The following HSD17B12 variants were observed in gnomAD, a reference collection of about 807,000 sequenced individuals.
The protein encoded by HSD17B12 is very-long-chain 3-oxoacyl-CoA reductase.
A neutral mutation model predicts 39.3 loss-of-function variants in HSD17B12; 32 were observed. The ratio of observed to expected loss-of-function variants is 0.81; its 90% CI spans 0.61 to 1.09. The LOEUF is 1.09. Ranked by LOEUF, HSD17B12 falls within the 50% of genes least tolerant of loss-of-function variation. The pLI, the probability that HSD17B12 is intolerant of heterozygous loss-of-function variation, is 0.00. For synonymous variants in HSD17B12, 150 were observed against 146.7 expected (o/e 1.02, Z -0.16); for missense variants, 342 against 382.9 (o/e 0.89, Z 0.89).
At chr11:43,634,075 C>CAAAAAAAAAAAAAAAAAAAAAA in the HSD17B12 span, among the ~76,000 whole-genome samples, 11 of 37,566 alleles carry the variant, frequency 2.9e-4, 2 homozygotes, top group Non-Finnish European at 3.6e-4. Context: ...AACTCCATCT[C>CAAAAAAAAAAAAAAAAAAAAAA]AAAAAAAAAA....
the HSD17B12 span, among the ~76,000 whole-genome samples, chr11:43,616,721 T>C: frequency 4.7e-5 from 7 of 149,916 alleles, 1 homozygote. Context: ...AAATCCCCAC[T>C]TTTAACCTCT....
intron 5 of HSD17B12, among the ~76,000 whole-genome samples, 185 bp downstream of exon 5, chr11:43,815,686 G>C (rs967855438): frequency 6.6e-6 from 1 of 152,030 alleles, no homozygotes; most frequent in Non-Finnish European, 1.5e-5. Flanking sequence ...TCATAAAATG[G>C]GCAGCTTCAT....
chr11:43,586,561 T>C, the HSD17B12 span, among the ~76,000 whole-genome samples: 1 of 152,182 alleles, frequency 6.6e-6, no homozygotes, highest in Non-Finnish European at 1.5e-5. Flanking sequence ...ATCTCCTTTA[T>C]AAGCAAGAAG....
Position 43,798,354 on chromosome 11 carries a change from T to C in HSD17B12, c.318T>C (p.Ala106=). The C allele has an allele frequency of 6.2e-7, 1 of 1,612,304 alleles. No individual in the cohort carries two copies. Among genetic ancestry groups the C allele is most frequent in the Non-Finnish European group, 8.5e-7 (1 of 1,178,804 alleles). Residue 106 remains alanine (A), a synonymous_variant, in exon 4 of 11, where the codon GCT becomes GCC. Coordinates refer to ENST00000278353, the MANE Select transcript of HSD17B12 (RefSeq NM_016142.3). ...EKFKVETRTI[A]VDFASEDIYD... is the part of the protein sequence containing the mutation. Reference sequence around the variant, plus strand: ...TCAAAGTGGAGACAAGAACCATTGCTGTTGACTTTGCATCAGAAGATATTT... The same window carrying C: ...TCAAAGTGGAGACAAGAACCATTGCCGTTGACTTTGCATCAGAAGATATTT...
chr11:43,716,811 G>GGTGGT (rs761025436), intron 1 of HSD17B12, among the ~76,000 whole-genome samples: 63 of 150,624 alleles, frequency 4.2e-4, no homozygotes, highest in Non-Finnish European at 6.8e-4. Context: ...CATCTGGCAT[G>GGTGGT]GTGGTGAGAC....
chr11:43,650,767 T>C, the HSD17B12 span, among the ~76,000 whole-genome samples: 32 of 152,240 alleles, frequency 2.1e-4, no homozygotes, highest in Non-Finnish European at 3.4e-4. Flanking sequence ...TCCCCACTTA[T>C]TCACAGTCTC....
chr11:43,660,314 T>C, the HSD17B12 span, among the ~76,000 whole-genome samples: 1 of 152,186 alleles, frequency 6.6e-6, no homozygotes, highest in African/African-American at 2.4e-5. Flanking sequence ...ATCTTTTTCT[T>C]TGATCAGCCC....
intron 7 of HSD17B12, 198 bp from the exon 8 acceptor site, chr11:43,838,119 G>C: frequency 1.8e-6 from 1 of 554,348 alleles, no homozygotes; most frequent in Non-Finnish European, 3.2e-6. Context: ...TCGTGAAGAA[G>C]AGCTATTTTT....
the HSD17B12 span, among the ~76,000 whole-genome samples, chr11:43,607,375 C>T: frequency 6.6e-6 from 1 of 151,082 alleles, no homozygotes; most frequent in Non-Finnish European, 1.5e-5. Context: ...CCAAAGTCTC[C>T]AAGAAAAGAA....
chr11:43,695,549 G>A lies in HSD17B12; in HGVS notation c.160+14562G>A, dbSNP rs149282620. Among the ~76,000 whole-genome samples, 151 of 152,222 alleles carry A rather than the reference G, an allele frequency of 9.9e-4. 5 individuals carry two copies. In the East Asian group the frequency reaches 0.027, roughly 27 times the overall value. ...ATTGAGATTGCACCATTGCACTCTC[G>A]CCTGGGCAACAAGAGCAAAACTTCG... On this transcript the variant is annotated intron_variant, in intron 1 of 10. Transcript: ENST00000278353.
chr11:43,662,303 GTT>G, the HSD17B12 span, among the ~76,000 whole-genome samples: 1 of 150,202 alleles, frequency 6.7e-6, no homozygotes, highest in Non-Finnish European at 1.5e-5. Context: ...GGTTCAGACA[GTT>G]CTCCTGTCTT....
intron 1 of HSD17B12, among the ~76,000 whole-genome samples, chr11:43,703,634 G>T (rs900701683): frequency 2.0e-5 from 3 of 151,920 alleles, no homozygotes; most frequent in African/African-American, 7.3e-5. Flanking sequence ...TTTTTTTCTG[G>T]TTCTATCTTG....
the HSD17B12 span, among the ~76,000 whole-genome samples, chr11:43,596,587 G>C: frequency 1.3e-5 from 2 of 151,820 alleles, no homozygotes; most frequent in South Asian, 4.2e-4. Context: ...CATGCACCAT[G>C]ATACCTGGCT....
At chr11:43,606,642 G>A in the HSD17B12 span, among the ~76,000 whole-genome samples, 18 of 152,312 alleles carry the variant, frequency 1.2e-4, no homozygotes, top group South Asian at 3.5e-3. Flanking sequence ...CAGGAGACAG[G>A]ACTCAAACAC....
the HSD17B12 span, among the ~76,000 whole-genome samples, chr11:43,665,035 G>GA: frequency 6.6e-6 from 1 of 152,068 alleles, no homozygotes; most frequent in South Asian, 2.1e-4. Context: ...AGTCTTTATA[G>GA]AAAAAATGTT....
the HSD17B12 span, among the ~76,000 whole-genome samples, chr11:43,665,501 G>A: frequency 1.2e-4 from 18 of 152,256 alleles, no homozygotes; most frequent in African/African-American, 4.3e-4. Context: ...TTACAGGAGT[G>A]AGCCACCATG....
the HSD17B12 span, among the ~76,000 whole-genome samples, chr11:43,576,995 G>C: frequency 6.6e-6 from 1 of 152,148 alleles, no homozygotes; most frequent in South Asian, 2.1e-4. Context: ...ATATCTCTGA[G>C]AGATTAATGG....
At chr11:43,772,149 G>T (rs1250764920) in intron 3 of HSD17B12, among the ~76,000 whole-genome samples, 1 of 152,108 alleles carries the variant, frequency 6.6e-6, no homozygotes, top group Non-Finnish European at 1.5e-5. Flanking sequence ...CCTTCATTTA[G>T]CATGGTTCCA....
At chr11:43,580,475 G>A in the HSD17B12 span, among the ~76,000 whole-genome samples, 1 of 152,152 alleles carries the variant, frequency 6.6e-6, no homozygotes, top group Non-Finnish European at 1.5e-5. Context: ...TGCGGAGGGA[G>A]GAGCTTCACC....
Sources: allele counts gnomAD v4.1 joint callset (sites outside exome capture counted in the v4.1 genomes callset), GRCh38; gene constraint gnomAD v4.1.1; transcripts MANE v1.5; gene names NCBI Gene and HGNC (gene_info 2026-07-23, HGNC 2026-07-21).